Variants in DDX10 observed in about 807,000 individuals in gnomAD.
DDX10 encodes the protein DEAD-box helicase 10, also known as probable ATP-dependent RNA helicase DDX10.
Under a neutral mutation model 104.3 loss-of-function variants are expected in DDX10, and 74 were observed. That is an observed-to-expected ratio of 0.71 (90% CI 0.59 to 0.86). The LOEUF is 0.86. Among genes scored for constraint, DDX10 ranks in the 40% least tolerant of loss-of-function variants. The pLI, the probability that DDX10 is intolerant of heterozygous loss-of-function variation, is 0.00. For synonymous variants in DDX10, 351 were observed against 353.4 expected (o/e 0.99, Z 0.08); for missense variants, 952 against 1,040.0 (o/e 0.92, Z 1.16).
chr11:108,841,463 A>G lies in DDX10; in HGVS notation c.2234A>G (p.Lys745Arg). ...FDKEEYRKKI[K>R]AKHREKRLKE... ...AAAGAAGAATATAGGAAAAAAATTA[A>G]GGCAAAGCATCGGGTAAGCTTTCCA... Residue 745 changes from lysine (K) to arginine (R), a missense_variant, in exon 15 of 18, where the codon AAG becomes AGG. By Grantham distance (26) the Lys-to-Arg change is conservative. Transcript: ENST00000322536. 6.2e-7 allele frequency: 1 copy of G among 1,613,818 alleles called. No individual in the cohort carries two copies. The highest frequency in any genetic ancestry group is 8.5e-7 in the Non-Finnish European group (1 of 1,179,814).
At position 108,766,568 on chromosome 11, in the gene DDX10, T is replaced by C. The variant is rs570187053; in HGVS notation, c.1965+43106T>C. Among the ~76,000 whole-genome samples, 47 of 152,334 alleles carry C rather than the reference T, an allele frequency of 3.1e-4. No individual in the cohort carries two copies. In the South Asian group the frequency reaches 9.5e-3, roughly 31 times the overall value. ...TTTTCTCATTGTTACTATTTAGATT[T>C]GGAGTAAACTTGTATTGTAATAACT... is the stretch of plus-strand genomic sequence containing the variant. On this transcript the variant is annotated intron_variant, in intron 13 of 17. Transcript: ENST00000322536.
At chr11:108,673,317 G>A (rs866471563) in intron 1 of DDX10, 150 bp from the exon 2 acceptor site, 37 of 612,580 alleles carry the variant, frequency 6.0e-5, no homozygotes, top group Middle Eastern at 2.7e-4. Context: ...GGCATATTTC[G>A]TTACAGAAGG....
intron 13 of DDX10, among the ~76,000 whole-genome samples, chr11:108,739,377 T>C (rs1019520569): frequency 6.6e-5 from 10 of 152,258 alleles, no homozygotes; most frequent in African/African-American, 2.2e-4. Context: ...TTAGCTTTTC[T>C]GGGGCTAAGT....
intron 15 of DDX10, among the ~76,000 whole-genome samples, chr11:108,842,449 C>A (rs1342951429): frequency 6.6e-6 from 1 of 152,130 alleles, no homozygotes; most frequent in Non-Finnish European, 1.5e-5. Flanking sequence ...GCTTTTCACT[C>A]CTATTTGACC....
At chr11:108,921,072 TGGTACGGAA>T (rs747490441) in intron 17 of DDX10, 3 of 152,226 alleles carry the variant, frequency 2.0e-5, no homozygotes, top group Non-Finnish European at 2.9e-5. Context: ...CAATTGGAAC[TGGTACGGAA>T]GGTAAAACCT....
At chr11:108,693,639 C>A in intron 9 of DDX10, 39 bp downstream of exon 9, 1 of 1,441,422 alleles carries the variant, frequency 6.9e-7, no homozygotes, top group Non-Finnish European at 9.8e-7. Flanking sequence ...TTGCTACTAT[C>A]TAAATAACAA....
chr11:108,759,457 G>T (rs1457154880), intron 13 of DDX10, among the ~76,000 whole-genome samples: 1 of 151,930 alleles, frequency 6.6e-6, no homozygotes, highest in African/African-American at 2.4e-5. Flanking sequence ...AGCTCCAGGG[G>T]TGTTGTTTGG....
intron 9 of DDX10, among the ~76,000 whole-genome samples, chr11:108,698,555 G>A (rs1160261760): frequency 6.6e-6 from 1 of 152,168 alleles, no homozygotes; most frequent in Non-Finnish European, 1.5e-5. Context: ...GGCTGTAGGA[G>A]TAGATAAGGA....
chr11:108,836,524 T>G (rs1488530419), intron 13 of DDX10, among the ~76,000 whole-genome samples: 1 of 152,186 alleles, frequency 6.6e-6, no homozygotes, highest in East Asian at 1.9e-4. Context: ...TCTTGTTCTT[T>G]TGCCTAGGCT....
intron 16 of DDX10, among the ~76,000 whole-genome samples, chr11:108,914,136 A>G (rs1287631794): frequency 6.6e-6 from 1 of 152,252 alleles, no homozygotes; most frequent in Non-Finnish European, 1.5e-5. Context: ...TTTTCTTTAT[A>G]TACCAATGTA....
At chr11:108,808,311 A>C (rs942534867) in intron 13 of DDX10, among the ~76,000 whole-genome samples, 2 of 151,786 alleles carry the variant, frequency 1.3e-5, no homozygotes, top group South Asian at 2.1e-4. Flanking sequence ...TTTGACCTCT[A>C]AGTCAAAAAA....
At chr11:108,803,259 A>AT (rs5794606) in intron 13 of DDX10, among the ~76,000 whole-genome samples, 96,982 of 146,846 alleles carry the variant, frequency 0.66, 32,834 homozygotes, top group South Asian at 0.76. Context: ...CCTAGTAGCA[A>AT]TTTTTTTTTT....
At chr11:108,831,194 A>G (rs1862464874) in intron 13 of DDX10, among the ~76,000 whole-genome samples, 1 of 152,242 alleles carries the variant, frequency 6.6e-6, no homozygotes, top group East Asian at 1.9e-4. Context: ...TCACGAGGTC[A>G]AGAGATTGAG....
At chr11:108,736,943 T>C (rs1177960550) in intron 13 of DDX10, among the ~76,000 whole-genome samples, 1 of 152,196 alleles carries the variant, frequency 6.6e-6, no homozygotes, top group Non-Finnish European at 1.5e-5. Flanking sequence ...AATTAATATA[T>C]AGGCTTCTGT....
chr11:108,724,634 GT>G (rs2094302898), intron 13 of DDX10, among the ~76,000 whole-genome samples: 2 of 152,062 alleles, frequency 1.3e-5, no homozygotes, highest in African/African-American at 4.8e-5. Flanking sequence ...TTAGATTTTC[GT>G]TTTAAATAAT....
rs185864100 is a variant in DDX10, at chr11:108,867,880, A to G, written c.2304+15671A>G. Among the ~76,000 whole-genome samples the G allele has an allele frequency of 1.6e-4, 24 of 152,288 alleles. No individual in the cohort carries two copies. The East Asian group carries it at 3.7e-3, about 23-fold the overall frequency. ...TGGACCCAGAGGGCACTACTTTATT[A>G]TAACACTGATAGTTATAATGCTTTT... On this transcript the variant is annotated intron_variant, in intron 16 of 17. Coordinates refer to ENST00000322536, the MANE Select transcript of DDX10 (RefSeq NM_004398.4).
rs1487394751 is a variant in DDX10 at position 108,894,792 on chromosome 11, GTTA to G, written c.2305-23076_2305-23074del. ...AACTATGTGACTTTTTAATAAAATA[GTTA>G]TTATGAAATTTTGAGGGCACTCGGG... On this transcript the variant is annotated intron_variant, in intron 16 of 17. Coordinates refer to ENST00000322536, the MANE Select transcript of DDX10 (RefSeq NM_004398.4). 6.6e-5 allele frequency among the ~76,000 whole-genome samples: 10 copies of G among 152,008 alleles called. 1 individual carries two copies. In the South Asian group the frequency reaches 1.2e-3, roughly 19 times the overall value.
chr11:108,706,962 A>G, intron 10 of DDX10, 125 bp downstream of exon 10: 1 of 755,262 alleles, frequency 1.3e-6, no homozygotes, highest in Non-Finnish European at 2.2e-6. Flanking sequence ...ACTTTTATAA[A>G]AAGGCTCTTT....
At chr11:108,794,995 T>G (rs1377064236) in intron 13 of DDX10, among the ~76,000 whole-genome samples, 1 of 152,044 alleles carries the variant, frequency 6.6e-6, no homozygotes, top group Non-Finnish European at 1.5e-5. Flanking sequence ...GCCTGGCTAA[T>G]TTTTGTATTT....
Sources: gnomAD v4.1 joint callset for allele counts (sites outside exome capture counted in the v4.1 genomes callset) on GRCh38, gnomAD v4.1.1 for gene constraint, MANE v1.5 for transcripts, NCBI Gene and HGNC (gene_info 2026-07-23, HGNC 2026-07-21) for gene names.